Variants in GLIS3 observed in about 807,000 individuals in gnomAD.
The protein encoded by GLIS3 is zinc finger protein GLIS3.
A neutral mutation model predicts 78.6 loss-of-function variants in GLIS3; 53 were observed. That is an observed-to-expected ratio of 0.67 (90% CI 0.54 to 0.85). GLIS3 has a LOEUF of 0.85. Among genes scored for constraint, GLIS3 ranks in the 40% least tolerant of loss-of-function variants. GLIS3 has a pLI of 0.00. For synonymous variants in GLIS3, 684 were observed against 509.9 expected, an observed-to-expected ratio of 1.34 and a Z score of -4.60; for missense variants, 1,703 against 1,231.1, an observed-to-expected ratio of 1.38 and a Z score of -5.74.
chr9:3,874,092 GGCAGCCTCTGGC>G lies in GLIS3; in HGVS notation c.2297+5323_2297+5334del, dbSNP rs536899917. 1.2e-4 allele frequency among the ~76,000 whole-genome samples: 19 copies of G among 152,358 alleles called. No homozygotes were observed. The East Asian group carries it at 3.7e-3, about 29-fold the overall frequency. ...TATGCTAATTAGTTGACTGATGGCTGGCAGCCTCTGGCTGCCTGAAAGAATGAGACTGAGACT... is the reference window on the plus strand; with the variant it reads ...TATGCTAATTAGTTGACTGATGGCTGTGCCTGAAAGAATGAGACTGAGACT... On this transcript the variant is annotated intron_variant, in intron 8 of 10. Coordinates refer to ENST00000381971, the MANE Select transcript of GLIS3 (RefSeq NM_001042413.2).
At chr9:4,166,993 G>C (rs1011238682) in intron 2 of GLIS3, among the ~76,000 whole-genome samples, 2 of 152,248 alleles carry the variant, frequency 1.3e-5, no homozygotes, top group Admixed American at 6.5e-5. Context: ...CTCTTTGAGT[G>C]TGAGGGTCAG....
At chr9:4,094,398 G>GT (rs1156394334) in intron 4 of GLIS3, among the ~76,000 whole-genome samples, 1 of 151,962 alleles carries the variant, frequency 6.6e-6, no homozygotes, top group Non-Finnish European at 1.5e-5. Flanking sequence ...TTTAATTTTT[G>GT]TTTTTTTACT....
chr9:4,140,972 G>A (rs1365545476), intron 2 of GLIS3, among the ~76,000 whole-genome samples: 1 of 152,080 alleles, frequency 6.6e-6, no homozygotes. Context: ...CTAATTTTTT[G>A]TATTTTTAGT....
chr9:4,350,788 G>A (rs1563942031), upstream of GLIS3, among the ~76,000 whole-genome samples: 1 of 142,552 alleles, frequency 7.0e-6, no homozygotes, highest in Non-Finnish European at 1.6e-5. Context: ...AAAAACATCA[G>A]GGTTTGTTTT....
At chr9:4,285,693 C>T (rs1361625022) in intron 2 of GLIS3, 2 of 248,796 alleles carry the variant, frequency 8.0e-6, no homozygotes, top group East Asian at 1.7e-4. Context: ...CCCAGGGAAA[C>T]AGGGCAGCGC....
intron 2 of GLIS3, among the ~76,000 whole-genome samples, chr9:4,220,382 C>A (rs1310131738): frequency 6.6e-6 from 1 of 152,142 alleles, no homozygotes; most frequent in East Asian, 1.9e-4. Flanking sequence ...AATTCGTGGG[C>A]ACGAAATCTT....
At chr9:4,459,528 C>T in the GLIS3 span, among the ~76,000 whole-genome samples, 1 of 152,190 alleles carries the variant, frequency 6.6e-6, no homozygotes, top group Non-Finnish European at 1.5e-5. Flanking sequence ...CTTTGGGAGG[C>T]CAAGATGGGA....
At chr9:4,045,689 G>A (rs112224244) in intron 4 of GLIS3, among the ~76,000 whole-genome samples, 4,349 of 152,076 alleles carry the variant, frequency 0.029, 208 homozygotes, top group African/African-American at 0.097. Context: ...AAGAAGTCCT[G>A]GCCCCAACAG....
In GLIS3 at chr9:4,117,590, G is replaced by C. The variant is rs375159718; in HGVS notation, c.1710+178C>G. ...CTTTGCAGAAGGAAATATAGCAATG[G>C]AGAGCCACTAACCATGAAAGAAATC... On this transcript the variant is annotated intron_variant, in intron 4 of 10. Transcript: ENST00000381971. 3.3e-5 allele frequency among the ~76,000 whole-genome samples: 5 copies of C among 152,246 alleles called. No homozygotes were observed. The South Asian group carries it at 8.3e-4, about 25-fold the overall frequency.
At chr9:4,272,571 A>G (rs1826617431) in intron 2 of GLIS3, among the ~76,000 whole-genome samples, 1 of 152,244 alleles carries the variant, frequency 6.6e-6, no homozygotes, top group Non-Finnish European at 1.5e-5. Flanking sequence ...AGGGGATTAA[A>G]TTAAGATATA....
chr9:4,094,792 A>T (rs1184304824), intron 4 of GLIS3, among the ~76,000 whole-genome samples: 1 of 152,232 alleles, frequency 6.6e-6, no homozygotes, highest in Non-Finnish European at 1.5e-5. Flanking sequence ...ATTTTAATGT[A>T]GCCACTTGAA....
intron 2 of GLIS3, among the ~76,000 whole-genome samples, chr9:4,186,164 A>G (rs1817773488): frequency 1.3e-5 from 1 of 77,982 alleles, no homozygotes; most frequent in Admixed American, 1.7e-4. Flanking sequence ...CCACCCCACA[A>G]CAGTACCCAG....
chr9:3,906,483 A>C lies in GLIS3; in HGVS notation c.1984-7648T>G, dbSNP rs765683709. Reference sequence around the variant, plus strand: ...CATGGCCTTAAGTTTTGGCCCGAGGAACAGCAAAGGAGATCACAGAAGGAG... The same window carrying C: ...CATGGCCTTAAGTTTTGGCCCGAGGCACAGCAAAGGAGATCACAGAAGGAG... On this transcript the variant is annotated intron_variant, in intron 6 of 10. Coordinates refer to ENST00000381971, the MANE Select transcript of GLIS3 (RefSeq NM_001042413.2). Among the ~76,000 whole-genome samples, 12 of 152,260 alleles carry C rather than the reference A, an allele frequency of 7.9e-5. No individual in the cohort carries two copies. In the Middle Eastern group the frequency reaches 0.01, roughly 129 times the overall value.
At chr9:4,107,263 T>C (rs1830831390) in intron 4 of GLIS3, among the ~76,000 whole-genome samples, 2 of 152,192 alleles carry the variant, frequency 1.3e-5, no homozygotes, top group Admixed American at 6.5e-5. Context: ...ATACTCTGTG[T>C]TCACCAATAC....
chr9:4,307,100 T>C (rs1222218011), intron 4 of GLIS3, among the ~76,000 whole-genome samples: 3 of 152,186 alleles, frequency 2.0e-5, no homozygotes, highest in African/African-American at 4.8e-5. Flanking sequence ...ATTAGGGGCT[T>C]ATTATGTATC....
At chr9:4,134,591 G>A (rs1040878404) in intron 2 of GLIS3, among the ~76,000 whole-genome samples, 1 of 152,132 alleles carries the variant, frequency 6.6e-6, no homozygotes, top group Non-Finnish European at 1.5e-5. Context: ...TGATGTGCCT[G>A]CTCAGTAAAG....
intron 2 of GLIS3, among the ~76,000 whole-genome samples, chr9:4,161,026 T>C (rs143617064): frequency 2.0e-5 from 3 of 151,028 alleles, no homozygotes; most frequent in African/African-American, 7.3e-5. Flanking sequence ...GAAGGATTGC[T>C]TCAAACCAGG....
the GLIS3 span, among the ~76,000 whole-genome samples, chr9:4,446,856 C>T: frequency 5.9e-5 from 9 of 151,934 alleles, no homozygotes; most frequent in African/African-American, 2.2e-4. Flanking sequence ...TGTGTGACCT[C>T]TGCTTCCTTC....
intron 4 of GLIS3, among the ~76,000 whole-genome samples, chr9:4,055,059 C>T (rs993844089): frequency 6.6e-6 from 1 of 152,154 alleles, no homozygotes; most frequent in Non-Finnish European, 1.5e-5. Context: ...TTCCTCTTTT[C>T]CTTGTCCAGT....
Sources: allele counts gnomAD v4.1 joint callset (sites outside exome capture counted in the v4.1 genomes callset), GRCh38; gene constraint gnomAD v4.1.1; transcripts MANE v1.5; gene names NCBI Gene and HGNC (gene_info 2026-07-23, HGNC 2026-07-21).